CADM2: variants seen among roughly 807,000 people sequenced by gnomAD.
The protein encoded by CADM2 is immunoglobulin superfamily member 4D.
In CADM2, 12 loss-of-function variants were observed where a neutral mutation model predicts 49.8. The ratio of observed to expected loss-of-function variants is 0.24; its 90% CI spans 0.15 to 0.39. The LOEUF (loss-of-function observed/expected upper bound fraction) is 0.39. CADM2 is among the 10% of genes least tolerant of loss of function. The probability of loss-of-function intolerance (pLI) is 1.00; values close to 1 mark genes in which losing one functional copy is unlikely to be tolerated. For synonymous variants in CADM2, 214 were observed against 175.4 expected (o/e 1.22, Z -1.74); for missense variants, 378 against 492.3 (o/e 0.77, Z 2.20).
Position 85,921,955 on chromosome 3 carries a change from C to A in CADM2, c.700+9412C>A, listed in dbSNP as rs535428561. 1.9e-4 allele frequency among the ~76,000 whole-genome samples: 29 copies of A among 152,166 alleles called. 1 individual carries two copies. The South Asian group carries it at 6.0e-3, about 32-fold the overall frequency. On this transcript the variant is annotated intron_variant, in intron 6 of 9. Coordinates refer to ENST00000383699, the MANE Select transcript of CADM2 (RefSeq NM_001167675.2). ...GGATGTAATCTCTTCGGACTGGCATCTTTCACTTAGCAATATGAATCTCCT... is the reference window on the plus strand; with the variant it reads ...GGATGTAATCTCTTCGGACTGGCATATTTCACTTAGCAATATGAATCTCCT...
chr3:86,066,443 A>C (rs559831912), intron 9 of CADM2, among the ~76,000 whole-genome samples: 28 of 151,326 alleles, frequency 1.9e-4, no homozygotes, highest in Non-Finnish European at 2.9e-5. Context: ...ATTACTTATT[A>C]CCCATTTCAG....
chr3:85,763,805 C>T (rs757360198), intron 2 of CADM2, among the ~76,000 whole-genome samples: 2 of 152,132 alleles, frequency 1.3e-5, no homozygotes, highest in Non-Finnish European at 2.9e-5. Flanking sequence ...TCTCATCCCA[C>T]AGCTTTTCAT....
At chr3:85,482,967 C>T (rs948594745) in intron 1 of CADM2, among the ~76,000 whole-genome samples, 87 of 151,274 alleles carry the variant, frequency 5.8e-4, no homozygotes, top group African/African-American at 2.0e-3. Flanking sequence ...GTTATTAAAT[C>T]GGTCCTTTGA....
intron 1 of CADM2, among the ~76,000 whole-genome samples, chr3:85,581,435 GAA>G (rs11440569): frequency 5.8e-5 from 7 of 121,472 alleles, no homozygotes; most frequent in African/African-American, 1.6e-4. Context: ...GTTGTTTCAA[GAA>G]AAAAAAAAAA....
intron 1 of CADM2, among the ~76,000 whole-genome samples, chr3:84,983,276 CTT>C (rs2107144878): frequency 6.6e-6 from 1 of 151,020 alleles, no homozygotes; most frequent in South Asian, 2.1e-4. Flanking sequence ...GACATCACAT[CTT>C]TTAATCTGTA....
intron 1 of CADM2, among the ~76,000 whole-genome samples, chr3:85,602,871 T>A (rs2063447266): frequency 6.6e-6 from 1 of 151,842 alleles, no homozygotes; most frequent in Non-Finnish European, 1.5e-5. Context: ...TTCATTGTTT[T>A]CAAGGAATTG....
At chr3:86,022,175 A>T (rs1286111298) in intron 8 of CADM2, among the ~76,000 whole-genome samples, 1 of 152,086 alleles carries the variant, frequency 6.6e-6, no homozygotes, top group Non-Finnish European at 1.5e-5. Flanking sequence ...AATACACATA[A>T]TTGTCATTTT....
intron 1 of CADM2, among the ~76,000 whole-genome samples, chr3:85,617,261 A>G (rs1371343077): frequency 6.6e-6 from 1 of 152,138 alleles, no homozygotes; most frequent in Admixed American, 6.6e-5. Flanking sequence ...TGGGGTTCCC[A>G]CAACCCTACC....
chr3:85,105,287 A>T (rs1171638814), intron 1 of CADM2, among the ~76,000 whole-genome samples: 1 of 152,220 alleles, frequency 6.6e-6, no homozygotes, highest in African/African-American at 2.4e-5. Flanking sequence ...TGGGCAAAGG[A>T]CATGAACAGA....
chr3:85,424,291 ATAG>A (rs1441963821), intron 1 of CADM2, among the ~76,000 whole-genome samples: 2 of 151,794 alleles, frequency 1.3e-5, no homozygotes, highest in Non-Finnish European at 2.9e-5. Context: ...GCATATAGAG[ATAG>A]TAGATTTAAA....
chr3:85,350,403 G>T (rs949256042), intron 1 of CADM2, among the ~76,000 whole-genome samples: 1 of 151,940 alleles, frequency 6.6e-6, no homozygotes, highest in Non-Finnish European at 1.5e-5. Flanking sequence ...TTGCCATTTT[G>T]CTGTGCATTT....
chr3:85,792,818 T>C (rs1234300721), intron 2 of CADM2, among the ~76,000 whole-genome samples: 1 of 152,248 alleles, frequency 6.6e-6, no homozygotes, highest in African/African-American at 2.4e-5. Flanking sequence ...CTTTCAACAA[T>C]ACTTATTTCA....
chr3:85,522,929 G>A (rs1016868662), intron 1 of CADM2, among the ~76,000 whole-genome samples: 1 of 148,880 alleles, frequency 6.7e-6, no homozygotes, highest in Admixed American at 6.8e-5. Flanking sequence ...GAAACACAAT[G>A]TAATTTTATA....
At chr3:85,861,526 G>A (rs2075534193) in intron 3 of CADM2, among the ~76,000 whole-genome samples, 1 of 152,162 alleles carries the variant, frequency 6.6e-6, no homozygotes, top group African/African-American at 2.4e-5. Flanking sequence ...TGACTGTTAT[G>A]CATGCAACTG....
At chr3:85,435,608 G>A (rs2036891279) in intron 1 of CADM2, among the ~76,000 whole-genome samples, 3 of 152,084 alleles carry the variant, frequency 2.0e-5, no homozygotes, top group Admixed American at 2.0e-4. Context: ...TTCCGCAATG[G>A]TTGAACTAAT....
intron 3 of CADM2, among the ~76,000 whole-genome samples, chr3:85,813,071 G>A (rs553906280): frequency 2.6e-5 from 4 of 152,234 alleles, no homozygotes; most frequent in African/African-American, 9.6e-5. Flanking sequence ...ACTCAGTAAT[G>A]GGATTGCTAG....
intron 1 of CADM2, among the ~76,000 whole-genome samples, chr3:85,708,807 G>T (rs1289033617): frequency 6.6e-6 from 1 of 151,948 alleles, no homozygotes; most frequent in African/African-American, 2.4e-5. Flanking sequence ...ATGTTTGTGG[G>T]GTAAGAGTGA....
intron 1 of CADM2, among the ~76,000 whole-genome samples, chr3:85,218,791 G>C (rs569243006): frequency 6.6e-6 from 1 of 152,044 alleles, no homozygotes; most frequent in South Asian, 2.1e-4. Context: ...GTGAGACTCC[G>C]TCTCAAAATA....
At position 85,543,420 on chromosome 3, in the gene CADM2, ATGTGTGTGTGTGTGTGTGTGTG is replaced by A. The variant is rs34654299; in HGVS notation, c.62-183086_62-183065del. Among the ~76,000 whole-genome samples, 5 of 129,584 alleles carry A rather than the reference ATGTGTGTGTGTGTGTGTGTGTG, an allele frequency of 3.9e-5. No homozygotes were observed. In the South Asian group the frequency reaches 7.6e-4, roughly 20 times the overall value. The allele number at this position is 129,584 out of a possible 152,430, so 85.0% of individuals were successfully genotyped here. A position where few individuals can be genotyped will look rare whatever the true frequency, so the allele number is the denominator to read the frequency against. On this transcript the variant is annotated intron_variant, in intron 1 of 9. Transcript: ENST00000383699. ...CAGGCACCGCCACCATGCCAAGCTA[ATGTGTGTGTGTGTGTGTGTGTG>A]TGTGTGTGTGTGTGTATTTTTAGTA...
Sources: allele counts gnomAD v4.1 joint callset (sites outside exome capture counted in the v4.1 genomes callset), GRCh38; gene constraint gnomAD v4.1.1; transcripts MANE v1.5; gene names NCBI Gene and HGNC (gene_info 2026-07-23, HGNC 2026-07-21).